Variants in SHOX observed in about 807,000 individuals in gnomAD.
SHOX encodes short stature homeobox protein.
SHOX carries 12 observed loss-of-function variants against 29.6 expected under a neutral mutation model. The observed-to-expected ratio is 0.41, with a 90% CI of 0.26 to 0.66. SHOX has a LOEUF of 0.66. Ranked by LOEUF, SHOX falls within the 30% of genes least tolerant of loss-of-function variation. SHOX has a pLI of 0.35. For missense variants in SHOX, 499 were observed against 437.7 expected (o/e 1.14, Z -1.25); for synonymous variants, 214 against 200.6 (o/e 1.07, Z -0.57).
chrX:642,158 A>G (rs1197040628), intron 4 of SHOX, among the ~76,000 whole-genome samples: 1 of 152,118 alleles, frequency 6.6e-6, no homozygotes, highest in Non-Finnish European at 1.5e-5. Flanking sequence ...GCGTGGAAGG[A>G]GGTGAAGGGT....
At chrX:630,356 A>T (rs983680115), upstream of SHOX, 5 of 156,266 alleles carry the variant, frequency 3.2e-5, no homozygotes, top group Non-Finnish European at 5.7e-5. Flanking sequence ...GCTTCCTGGA[A>T]AGATCCAGGC....
rs2053064621 is a variant in SHOX at position 651,547 on chromosome X, G to A, written c.*6911G>A. 3.3e-6 allele frequency: 1 copy of A among 300,782 alleles called. No individual in the cohort carries two copies. Among genetic ancestry groups the A allele is most frequent in the Non-Finnish European group, 6.4e-6 (1 of 156,598 alleles). 18.6% of individuals were successfully genotyped at this position (300,782 alleles called of 1,614,324 possible). Reference sequence around the variant, plus strand: ...GCCCCGTAGTATGAATGTACATCTTGTAAAACTGAGATATAAATAAACTTA... The same window carrying A: ...GCCCCGTAGTATGAATGTACATCTTATAAAACTGAGATATAAATAAACTTA... On this transcript the variant is annotated 3_prime_UTR_variant, in exon 5 of 5. Coordinates refer to ENST00000686671, the MANE Select transcript of SHOX (RefSeq NM_000451.4).
At chrX:625,069 C>CCCTCCTTCTCTCCCTCCCTG (rs1569491790) in intron 1 of SHOX, among the ~76,000 whole-genome samples, 4 of 131,224 alleles carry the variant, frequency 3.0e-5, no homozygotes, top group Non-Finnish European at 4.8e-5. Flanking sequence ...CTCCCTCCCT[C>CCCTCCTTCTCTCCCTCCCTG]CCTCCTTCTC....
chrX:626,293 A>T (rs1321700580), upstream of SHOX, among the ~76,000 whole-genome samples: 4 of 87,702 alleles, frequency 4.6e-5, no homozygotes, highest in African/African-American at 9.7e-5. Context: ...CTGTGTCTCT[A>T]CCTCTGTCTC....
chrX:628,663 GTC>G (rs1184406003), upstream of SHOX, among the ~76,000 whole-genome samples: 96 of 5,208 alleles, frequency 0.018, 2 homozygotes, highest in Non-Finnish European at 0.022. Flanking sequence ...GTCTCTCCCT[GTC>G]TGTTTCTCTC....
chrX:631,530 T>TGTTTG (rs1556458422), intron 1 of SHOX, among the ~76,000 whole-genome samples: 1 of 150,870 alleles, frequency 6.6e-6, no homozygotes, highest in Non-Finnish European at 1.5e-5. Context: ...CCTTTCCTTT[T>TGTTTG]TTTGTTTGTT....
At chrX:643,760 C>G (rs1178641407) in intron 4 of SHOX, among the ~76,000 whole-genome samples, 3 of 132,992 alleles carry the variant, frequency 2.3e-5, no homozygotes, top group African/African-American at 9.5e-5. Context: ...CCGGGAGAGC[C>G]TTGGGGACCT....
At chrX:631,723 G>A (rs1486661682) in intron 1 of SHOX, among the ~76,000 whole-genome samples, 4 of 152,164 alleles carry the variant, frequency 2.6e-5, no homozygotes, top group African/African-American at 9.7e-5. Flanking sequence ...GTAAAGACGG[G>A]GATTCACCAT....
chrX:630,923 C>A lies in SHOX; in HGVS notation c.26C>A (p.Ser9Tyr), dbSNP rs745371572. 6.2e-7 allele frequency: 1 copy of A among 1,613,730 alleles called. No homozygotes were observed. The highest frequency in any genetic ancestry group is 1.7e-4 in the Middle Eastern group (1 of 6,048). The change falls in exon 1 of 5, where the codon TCC becomes TAC. Residue 9 changes from serine (S) to tyrosine (Y), a missense_variant. Transcript: ENST00000686671. ...ATGGAAGAGCTCACGGCTTTTGTAT[C>A]CAAGTCTTTTGACCAGAAAAGCAAG... is the stretch of plus-strand genomic sequence containing the variant. MEELTAFV[S>Y]KSFDQKSKDG...
rs770319928 is a variant in SHOX, at chrX:644,654, C to T, written c.*18C>T. The T allele has an allele frequency of 7.6e-6, 11 of 1,441,362 alleles. No homozygotes were observed. Among genetic ancestry groups the T allele is most frequent in the South Asian group, 1.4e-5 (1 of 71,076 alleles). The allele number at this position is 1,441,362 out of a possible 1,614,324, so 89.3% of individuals were successfully genotyped here. ...GGCTCTGACCCGCCGCGCAGCCCCC[C>T]GCGCGCCCGGACTCCCGGGCTCCGC... On this transcript the variant is annotated 3_prime_UTR_variant, in exon 5 of 5. Transcript: ENST00000686671.
chrX:644,350 C>A, intron 4 of SHOX, 41 bp from the exon 5 acceptor site: 8 of 1,508,370 alleles, frequency 5.3e-6, no homozygotes, highest in African/African-American at 1.4e-5. Context: ...GCCCCCCAGT[C>A]CCCATCCTGC....
upstream of SHOX, among the ~76,000 whole-genome samples, chrX:629,585 C>G (rs1024040701): frequency 3.9e-5 from 6 of 152,080 alleles, no homozygotes; most frequent in Non-Finnish European, 8.8e-5. Flanking sequence ...GTCTGTCTCT[C>G]TCTTTCTGTG....
chrX:639,473 C>A (rs1035809719), intron 2 of SHOX, among the ~76,000 whole-genome samples: 8 of 152,162 alleles, frequency 5.3e-5, no homozygotes, highest in Non-Finnish European at 1.0e-4. Context: ...GGAGAAGGGG[C>A]TGGATTTGGA....
Position 634,600 on chromosome X carries a change from C to T in SHOX, c.278-18C>T, listed in dbSNP as rs755390136. Reference sequence around the variant, plus strand: ...AACCTCCCCGGCCTCAGCCCTGTGCCCTCCGCTCCCCACGCAGGGATTTAT... The same window carrying T: ...AACCTCCCCGGCCTCAGCCCTGTGCTCTCCGCTCCCCACGCAGGGATTTAT... On this transcript the variant is annotated intron_variant, in intron 1 of 4. Coordinates refer to ENST00000686671, the MANE Select transcript of SHOX (RefSeq NM_000451.4). The T allele has an allele frequency of 1.9e-6, 3 of 1,612,634 alleles. No homozygotes were observed. The highest frequency in any genetic ancestry group is 2.2e-5 in the East Asian group (1 of 44,870).
intron 2 of SHOX, 30 bp downstream of exon 2, chrX:634,856 C>T (rs1305640675): frequency 7.1e-6 from 11 of 1,544,552 alleles, no homozygotes; most frequent in South Asian, 1.2e-5. Context: ...GGCGGGGGGC[C>T]CGGAGCCATC....
chrX:629,321 C>T (rs998406736), upstream of SHOX, among the ~76,000 whole-genome samples: 14 of 151,708 alleles, frequency 9.2e-5, no homozygotes, highest in African/African-American at 2.4e-4. Flanking sequence ...GTCTCCATCT[C>T]TCTCTGTCTC....
chrX:624,386 C>CTTTG lies in SHOX; in HGVS notation c.-646_-645insGTTT, dbSNP rs112273183. ...GTCCTGAGAACAGGGGCTCCCCACA[C>CTTTG]TTTTTTTTTTTTTGGTTTTGTTTTA... On this transcript the variant is annotated 5_prime_UTR_variant, in exon 1 of 6. Coordinates refer to the SHOX transcript ENST00000334060. 176 of 130,954 alleles carry CTTTG rather than the reference C, an allele frequency of 1.3e-3. 1 individual carries two copies. The highest frequency in any genetic ancestry group is 8.0e-3 in the Middle Eastern group (2 of 250). 8.1% of individuals were successfully genotyped at this position (130,954 alleles called of 1,614,324 possible).
intron 2 of SHOX, among the ~76,000 whole-genome samples, chrX:639,821 G>A (rs2052818657): frequency 6.6e-6 from 1 of 151,178 alleles, no homozygotes; most frequent in Non-Finnish European, 1.5e-5. Flanking sequence ...GGCCAACATG[G>A]TGAAACCCCG....
At chrX:656,127 A>T (rs1347621158), downstream of SHOX, among the ~76,000 whole-genome samples, 3 of 137,270 alleles carry the variant, frequency 2.2e-5, no homozygotes, top group Non-Finnish European at 3.2e-5. Flanking sequence ...CTCGGCAACA[A>T]AGTGAGACCC....
Sources: gnomAD v4.1 joint callset for allele counts (sites outside exome capture counted in the v4.1 genomes callset) on GRCh38, gnomAD v4.1.1 for gene constraint, MANE v1.5 for transcripts, NCBI Gene and HGNC (gene_info 2026-07-23, HGNC 2026-07-21) for gene names.